The following AP4S1 variants were observed in gnomAD, a reference collection of about 807,000 sequenced individuals.
AP4S1 encodes the protein adaptor related protein complex 4 subunit sigma 1.
In AP4S1, 23 loss-of-function variants were observed where a neutral mutation model predicts 19.8. The observed-to-expected ratio is 1.16, with a 90% CI of 0.84 to 1.65. The LOEUF (loss-of-function observed/expected upper bound fraction) is 1.65. AP4S1 is among the 40% of genes most tolerant of loss of function. The pLI is 0.00. For missense variants in AP4S1, 166 were observed against 172.8 expected, an observed-to-expected ratio of 0.96 and a Z score of 0.22; for synonymous variants, 46 against 54.1, an observed-to-expected ratio of 0.85 and a Z score of 0.66.
chr14:31,035,268 C>T (rs1261611150), intron 1 of AP4S1, among the ~76,000 whole-genome samples: 1 of 136,632 alleles, frequency 7.3e-6, no homozygotes, highest in Non-Finnish European at 1.5e-5. Context: ...GATCTCTTCT[C>T]ACCGCAACCT....
chr14:31,049,474 T>TCACACACACACAC (rs1313078783), intron 1 of AP4S1, among the ~76,000 whole-genome samples: 3 of 57,172 alleles, frequency 5.2e-5, no homozygotes, highest in Admixed American at 3.3e-4. Flanking sequence ...TATATATATG[T>TCACACACACACAC]ACACACACAC....
chr14:31,035,332 T>C lies in AP4S1; in HGVS notation c.-72+9545T>C, dbSNP rs527759082. Among the ~76,000 whole-genome samples, 291 of 150,652 alleles carry C rather than the reference T, an allele frequency of 1.9e-3. 2 individuals carry two copies. Among genetic ancestry groups the C allele is most frequent in the African/African-American group, 6.4e-3 (262 of 40,976 alleles). Reference sequence around the variant, plus strand: ...GCCTCAGCCTCCCGAGTAGCTGGGATTACAAGCACACGCCGCCACACCCAG... The same window carrying C: ...GCCTCAGCCTCCCGAGTAGCTGGGACTACAAGCACACGCCGCCACACCCAG... On this transcript the variant is annotated intron_variant, in intron 1 of 5. Transcript: ENST00000542754.
intron 1 of AP4S1, among the ~76,000 whole-genome samples, chr14:31,046,620 C>T (rs1031496448): frequency 2.0e-5 from 3 of 151,994 alleles, no homozygotes; most frequent in African/African-American, 4.8e-5. Flanking sequence ...CCAAGGCAGG[C>T]GGATCACAGG....
At chr14:31,034,753 G>A (rs975948228) in intron 1 of AP4S1, among the ~76,000 whole-genome samples, 1 of 150,888 alleles carries the variant, frequency 6.6e-6, no homozygotes, top group African/African-American at 2.4e-5. Flanking sequence ...AAGTAGCTGG[G>A]ATTACAGGCA....
At chr14:31,065,161 C>T (rs1886645644) in intron 1 of AP4S1, among the ~76,000 whole-genome samples, 1 of 152,184 alleles carries the variant, frequency 6.6e-6, no homozygotes. Flanking sequence ...CTTAGCATGA[C>T]TTCTAAAGCC....
chr14:31,070,774 C>T (rs77211541), intron 3 of AP4S1, among the ~76,000 whole-genome samples: 46 of 152,272 alleles, frequency 3.0e-4, no homozygotes, highest in East Asian at 2.9e-3. Context: ...GGGCTGAGGC[C>T]GGGCGCGGTG....
chr14:31,095,197 AAC>A lies in AP4S1; in HGVS notation c.*2166_*2167del, dbSNP rs1479695336. On this transcript the variant is annotated 3_prime_UTR_variant, in exon 6 of 6. Coordinates refer to ENST00000542754, the MANE Select transcript of AP4S1 (RefSeq NM_001128126.3). Reference sequence around the variant, plus strand: ...TAATGGAGTGAGGCCCTGCCTCAAAAACACAAAAACAAAACAAAAAAACTTTT... The same window carrying A: ...TAATGGAGTGAGGCCCTGCCTCAAAAACAAAAACAAAACAAAAAAACTTTT... 5.3e-5 allele frequency: 8 copies of A among 152,246 alleles called. No individual in the cohort carries two copies. The highest frequency in any genetic ancestry group is 8.8e-5 in the Non-Finnish European group (6 of 68,058). The allele number at this position is 152,246 out of a possible 1,614,324, so 9.4% of individuals were successfully genotyped here.
intron 1 of AP4S1, among the ~76,000 whole-genome samples, chr14:31,041,252 C>T (rs1327292312): frequency 6.6e-6 from 1 of 151,968 alleles, no homozygotes; most frequent in Non-Finnish European, 1.5e-5. Context: ...TGAGTTCAAG[C>T]AGTTCTCCTG....
chr14:31,090,448 T>C (rs1306929474), intron 5 of AP4S1, among the ~76,000 whole-genome samples: 1 of 152,198 alleles, frequency 6.6e-6, no homozygotes, highest in Non-Finnish European at 1.5e-5. Context: ...CTTTGGGAGA[T>C]TGTTTCTAGC....
chr14:31,040,024 A>T (rs1371866786), intron 1 of AP4S1, among the ~76,000 whole-genome samples: 1 of 152,174 alleles, frequency 6.6e-6, no homozygotes, highest in African/African-American at 2.4e-5. Context: ...ATTGCTTATA[A>T]ATTATGGAGC....
At chr14:31,041,088 A>G (rs1885083827) in intron 1 of AP4S1, among the ~76,000 whole-genome samples, 2 of 151,642 alleles carry the variant, frequency 1.3e-5, no homozygotes, top group Admixed American at 6.6e-5. Context: ...AAAAAAAAAA[A>G]AAGTACGCAA....
intron 1 of AP4S1, among the ~76,000 whole-genome samples, chr14:31,031,159 C>T (rs1403396123): frequency 6.6e-6 from 1 of 152,172 alleles, no homozygotes; most frequent in Non-Finnish European, 1.5e-5. Context: ...GCTTCCCCTT[C>T]TGCCATGATT....
intron 3 of AP4S1, among the ~76,000 whole-genome samples, 194 bp downstream of exon 3, chr14:31,070,123 T>C (rs1408012194): frequency 6.6e-6 from 1 of 152,136 alleles, no homozygotes; most frequent in Non-Finnish European, 1.5e-5. Flanking sequence ...GCCTCCCAAG[T>C]AGCTGGGATT....
At chr14:31,092,302 G>A (rs1888097342) in intron 5 of AP4S1, among the ~76,000 whole-genome samples, 1 of 152,172 alleles carries the variant, frequency 6.6e-6, no homozygotes, top group African/African-American at 2.4e-5. Context: ...GTGGAGGTTT[G>A]GGGGCTGAGG....
chr14:31,044,112 G>A (rs889500258), intron 1 of AP4S1, among the ~76,000 whole-genome samples: 7 of 152,092 alleles, frequency 4.6e-5, no homozygotes, highest in African/African-American at 1.7e-4. Context: ...ATGTATGTAT[G>A]TGACACAAAA....
chr14:31,069,912 G>A lies in AP4S1; in HGVS notation c.208G>A (p.Gly70Arg). 1 of 1,612,450 alleles carries A rather than the reference G, an allele frequency of 6.2e-7. No homozygotes were observed. Among genetic ancestry groups the A allele is most frequent in the Non-Finnish European group, 8.5e-7 (1 of 1,178,502 alleles). Residue 70 changes from glycine (G) to arginine (R), a missense_variant, in exon 3 of 6, where the codon GGA becomes AGA. Gly to Arg is a moderately radical substitution (Grantham distance 125). Coordinates refer to ENST00000542754, the MANE Select transcript of AP4S1 (RefSeq NM_001128126.3). ...GTATGCAGCTCTCTTCATTGTGGTTGGAGTTAATGACACTGAGGTAAGATA... is the reference window on the plus strand; with the variant it reads ...GTATGCAGCTCTCTTCATTGTGGTTAGAGTTAATGACACTGAGGTAAGATA... ...RQYAALFIVV[G>R]VNDTENEMAI...
intron 1 of AP4S1, among the ~76,000 whole-genome samples, chr14:31,045,870 G>A (rs1387588894): frequency 2.0e-5 from 3 of 151,958 alleles, no homozygotes; most frequent in Non-Finnish European, 4.4e-5. Context: ...TCAGGGTGGG[G>A]CCAGTCTAGG....
chr14:31,084,017 A>C (rs1000618785), intron 5 of AP4S1, among the ~76,000 whole-genome samples: 1 of 152,158 alleles, frequency 6.6e-6, no homozygotes, highest in Non-Finnish European at 1.5e-5. Context: ...GTAGCCAGGC[A>C]CCTACTGGAG....
chr14:31,031,763 A>G (rs1380593026), intron 1 of AP4S1, among the ~76,000 whole-genome samples: 4 of 152,110 alleles, frequency 2.6e-5, no homozygotes, highest in African/African-American at 7.2e-5. Context: ...TGGCTGAGTC[A>G]TTTCCTCTCT....
Sources: allele counts gnomAD v4.1 joint callset (sites outside exome capture counted in the v4.1 genomes callset), GRCh38; gene constraint gnomAD v4.1.1; transcripts MANE v1.5; gene names NCBI Gene and HGNC (gene_info 2026-07-23, HGNC 2026-07-21).